The following CASP6 variants were observed in gnomAD, a reference collection of about 807,000 sequenced individuals.
CASP6 encodes caspase-6.
CASP6 carries 20 observed loss-of-function variants against 31.8 expected under a neutral mutation model. The observed-to-expected ratio is 0.63, with a 90% CI of 0.44 to 0.91. The LOEUF is 0.91. Ranked by LOEUF, CASP6 falls within the 40% of genes least tolerant of loss-of-function variation. The pLI, the probability that CASP6 is intolerant of heterozygous loss-of-function variation, is 0.00. For missense variants in CASP6, 328 were observed against 361.1 expected (o/e 0.91, Z 0.74); for synonymous variants, 130 against 127.8 (o/e 1.02, Z -0.12).
chr4:109,677,862 G>T, the CASP6 span, among the ~76,000 whole-genome samples: 6 of 137,276 alleles, frequency 4.4e-5, no homozygotes, highest in Non-Finnish European at 9.2e-5. Context: ...GTGTTTCTCG[G>T]AGAGGGGGAT....
At position 109,694,415 on chromosome 4, in the gene CASP6, G is replaced by C. The variant is rs572392846; in HGVS notation, c.483+110C>G. 7 of 944,260 alleles carry C rather than the reference G, an allele frequency of 7.4e-6. No homozygotes were observed. In the South Asian group the frequency reaches 8.6e-5, roughly 12 times the overall value. 58.5% of individuals were successfully genotyped at this position (944,260 alleles called of 1,614,324 possible). A position where few individuals can be genotyped will look rare whatever the true frequency, so the allele number is the denominator to read the frequency against. ...CTATGATTGGCCAGAATTCAAAAAC[G>C]GCCTGTCCAATTACTGGAGAAAGTT... On this transcript the variant is annotated intron_variant, in intron 5 of 6. Transcript: ENST00000265164.
the CASP6 span, among the ~76,000 whole-genome samples, chr4:109,668,029 A>G: frequency 2.0e-5 from 3 of 151,530 alleles, no homozygotes; most frequent in Non-Finnish European, 2.9e-5. Flanking sequence ...CTTTTTTTAC[A>G]TTTACTCATG....
Position 109,698,281 on chromosome 4 carries a change from G to GAA in CASP6, c.83+17_83+18dup, listed in dbSNP as rs756064705. 4.4e-6 allele frequency: 7 copies of GAA among 1,600,592 alleles called. No individual in the cohort carries two copies. The highest frequency in any genetic ancestry group is 6.0e-6 in the Non-Finnish European group (7 of 1,175,442). ...CCATCAAAGGAAGAGACCTTTATTA[G>GAA]AAAAGAGCACAGCTTTACCTTTTAT... is the stretch of plus-strand genomic sequence containing the variant. On this transcript the variant is annotated intron_variant, in intron 2 of 6. Coordinates refer to ENST00000265164, the MANE Select transcript of CASP6 (RefSeq NM_001226.4).
upstream of CASP6, among the ~76,000 whole-genome samples, chr4:109,708,230 T>G (rs1438270717): frequency 6.6e-6 from 1 of 152,222 alleles, no homozygotes; most frequent in Non-Finnish European, 1.5e-5. Context: ...GTTCATTGTA[T>G]GCATAAAATA....
chr4:109,682,535 C>G, the CASP6 span: 1 of 1,504,600 alleles, frequency 6.6e-7, no homozygotes, highest in South Asian at 1.3e-5. Flanking sequence ...ACACACCCTG[C>G]GGGAACAATG....
downstream of CASP6, among the ~76,000 whole-genome samples, chr4:109,685,732 A>G (rs1729824962): frequency 6.6e-6 from 1 of 152,256 alleles, no homozygotes; most frequent in Admixed American, 6.5e-5. Context: ...TAAAGATAGA[A>G]GAATCATTAT....
chr4:109,689,421 C>T lies in CASP6; in HGVS notation c.791G>A (p.Cys264Tyr), dbSNP rs998197244. The change falls in exon 7 of 7, where the codon TGC (cysteine) becomes TAC (tyrosine). Residue 264 changes from cysteine (C) to tyrosine (Y), a missense_variant. Transcript: ENST00000265164. ...RKVSQRRVDF[C>Y]KDPSAIGKKQ... ...CTTTCCAATTGCACTTGGGTCTTTG[C>T]AAAAGTCCACTCGGCGCTGAGAAAC... 9.3e-6 allele frequency: 15 copies of T among 1,614,038 alleles called. No homozygotes were observed. Among genetic ancestry groups the T allele is most frequent in the Non-Finnish European group, 1.3e-5 (15 of 1,180,028 alleles).
At position 109,689,419 on chromosome 4, in the gene CASP6, T is replaced by C; in HGVS notation, c.793A>G (p.Lys265Glu). 6.2e-7 allele frequency: 1 copy of C among 1,614,244 alleles called. No homozygotes were observed. The highest frequency in any genetic ancestry group is 8.5e-7 in the Non-Finnish European group (1 of 1,180,044). ...KVSQRRVDFC[K>E]DPSAIGKKQV... ...TTCTTTCCAATTGCACTTGGGTCTT[T>C]GCAAAAGTCCACTCGGCGCTGAGAA... Residue 265 changes from lysine to glutamate, a missense_variant, in exon 7 of 7, where the codon AAA becomes GAA. Coordinates refer to ENST00000265164, the MANE Select transcript of CASP6 (RefSeq NM_001226.4).
At chr4:109,682,444 T>C in the CASP6 span, 1 of 671,800 alleles carries the variant, frequency 1.5e-6, no homozygotes, top group Admixed American at 2.7e-5. Context: ...TACACCTTTG[T>C]TTACATGTTT....
In CASP6 at chr4:109,690,253, C is replaced by T. The variant is rs868197632; in HGVS notation, c.643+597G>A. ...TGAGACTATAAAAAAAAAAAACGCA[C>T]GCACGCACGCAATGGCTCATACCTG... On this transcript the variant is annotated intron_variant, in intron 6 of 6. Transcript: ENST00000265164. 8.2e-4 allele frequency among the ~76,000 whole-genome samples: 120 copies of T among 146,914 alleles called. 1 individual carries two copies. Among genetic ancestry groups the T allele is most frequent in the Admixed American group, 1.9e-3 (28 of 14,838 alleles).
rs761149820 is a variant in CASP6 at position 109,697,824 on chromosome 4, C to G, written c.84-56G>C. On this transcript the variant is annotated intron_variant, in intron 2 of 6. Transcript: ENST00000265164. Reference sequence around the variant, plus strand: ...TCAAGTCATATTAAATAATGAGCCCCTCCAAGTTCTAGGTCAACATGTAGA... The same window carrying G: ...TCAAGTCATATTAAATAATGAGCCCGTCCAAGTTCTAGGTCAACATGTAGA... 2.5e-6 allele frequency: 4 copies of G among 1,572,268 alleles called. No individual in the cohort carries two copies. The East Asian group carries it at 6.8e-5, about 27-fold the overall frequency.
At chr4:109,676,309 C>T in the CASP6 span, among the ~76,000 whole-genome samples, 16 of 152,116 alleles carry the variant, frequency 1.1e-4, no homozygotes, top group African/African-American at 1.9e-4. Context: ...GAGGCTGAGG[C>T]GGGTGGATCA....
In CASP6 at chr4:109,696,397, C is replaced by T; in HGVS notation, c.307+13G>A. 1 of 1,599,564 alleles carries T rather than the reference C, an allele frequency of 6.3e-7. No individual in the cohort carries two copies. Among genetic ancestry groups the T allele is most frequent in the Non-Finnish European group, 8.6e-7 (1 of 1,169,154 alleles). The stretch of plus-strand genomic sequence containing the variant: ...TAGAGGAAGATGAACTATATGATAG[C>T]AAAACTACCTACCCTCATGAATTTT... On this transcript the variant is annotated intron_variant, in intron 4 of 6. Transcript: ENST00000265164.
chr4:109,665,560 C>T, the CASP6 span, among the ~76,000 whole-genome samples: 8 of 152,174 alleles, frequency 5.3e-5, no homozygotes, highest in Non-Finnish European at 1.0e-4. Context: ...TGCATTTAAC[C>T]TCCATACTCC....
chr4:109,696,352 G>A (rs1579110315), intron 4 of CASP6, 58 bp downstream of exon 4: 2 of 1,233,168 alleles, frequency 1.6e-6, no homozygotes, highest in East Asian at 4.7e-5. Flanking sequence ...TTACAGATAG[G>A]ATAAAGGACT....
At chr4:109,665,912 A>T in the CASP6 span, among the ~76,000 whole-genome samples, 1 of 151,864 alleles carries the variant, frequency 6.6e-6, no homozygotes, top group Non-Finnish European at 1.5e-5. Context: ...GGAAAATACT[A>T]AACAGTGAGA....
At chr4:109,668,901 T>C in the CASP6 span, among the ~76,000 whole-genome samples, 1 of 152,066 alleles carries the variant, frequency 6.6e-6, no homozygotes, top group Non-Finnish European at 1.5e-5. Flanking sequence ...TCACGGCTAG[T>C]GCAAATACCT....
chr4:109,706,547 G>A (rs1300936220), upstream of CASP6, among the ~76,000 whole-genome samples: 1 of 152,134 alleles, frequency 6.6e-6, no homozygotes, highest in African/African-American at 2.4e-5. Context: ...CAGGGTTTGG[G>A]GGGATTGACC....
the CASP6 span, chr4:109,673,929 C>T: frequency 1.8e-5 from 14 of 783,590 alleles, no homozygotes; most frequent in African/African-American, 1.9e-4. Context: ...AGGCACCATT[C>T]GTACCCATTG....
Sources: gnomAD v4.1 joint callset for allele counts (sites outside exome capture counted in the v4.1 genomes callset) on GRCh38, gnomAD v4.1.1 for gene constraint, MANE v1.5 for transcripts, NCBI Gene and HGNC (gene_info 2026-07-23, HGNC 2026-07-21) for gene names.